Variants in ENPP2 observed in about 807,000 individuals in gnomAD.
ENPP2 encodes the protein autotaxin.
Under a neutral mutation model 120.2 loss-of-function variants are expected in ENPP2, and 51 were observed. The observed-to-expected ratio is 0.42, with a 90% CI of 0.34 to 0.54. The LOEUF (loss-of-function observed/expected upper bound fraction) is 0.54. ENPP2 is among the 20% of genes least tolerant of loss of function. ENPP2 has a pLI of 0.04. For synonymous variants in ENPP2, 365 were observed against 366.4 expected, an observed-to-expected ratio of 1.00 and a Z score of 0.04; for missense variants, 920 against 1,066.5, an observed-to-expected ratio of 0.86 and a Z score of 1.91.
chr8:119,647,775 C>T (rs1000749846), intron 1 of ENPP2, among the ~76,000 whole-genome samples: 1 of 152,000 alleles, frequency 6.6e-6, no homozygotes, highest in Non-Finnish European at 1.5e-5. Context: ...GAGGCAGAGG[C>T]GGGTGGATTA....
intron 20 of ENPP2, among the ~76,000 whole-genome samples, chr8:119,569,738 T>TTGTG (rs754303358): frequency 0.012 from 1,071 of 90,822 alleles, 5 homozygotes; most frequent in Non-Finnish European, 0.019. Flanking sequence ...AATAGACTAT[T>TTGTG]TATCTGTGTG....
At chr8:119,561,273 G>C (rs1403890640) in intron 24 of ENPP2, among the ~76,000 whole-genome samples, 4 of 152,112 alleles carry the variant, frequency 2.6e-5, no homozygotes, top group African/African-American at 4.8e-5. Flanking sequence ...CTATTCTTGT[G>C]GCTCCTTGCC....
chr8:119,648,979 T>A (rs1308566663), intron 1 of ENPP2, among the ~76,000 whole-genome samples: 1 of 152,144 alleles, frequency 6.6e-6, no homozygotes. Flanking sequence ...TCCTAATGAA[T>A]CTACCAAAAA....
At chr8:119,630,950 A>C (rs1816621979) in intron 2 of ENPP2, among the ~76,000 whole-genome samples, 1 of 149,334 alleles carries the variant, frequency 6.7e-6, no homozygotes, top group Non-Finnish European at 1.5e-5. Context: ...GCTGGAGTGT[A>C]ATGGTGCGAT....
At chr8:119,627,309 T>C (rs993171422) in intron 2 of ENPP2, among the ~76,000 whole-genome samples, 2 of 152,092 alleles carry the variant, frequency 1.3e-5, no homozygotes, top group African/African-American at 4.8e-5. Context: ...AACTCCTCCA[T>C]CAATATTTTC....
In ENPP2 at chr8:119,601,799, G is replaced by A. The variant is rs535361557; in HGVS notation, c.834-337C>T. ...TGTCATTTATTCTGTCGAGCCTTTA[G>A]CTGTGGCCATAAAGGGATCAGTACT... On this transcript the variant is annotated intron_variant, in intron 9 of 24. Coordinates refer to ENST00000075322, the MANE Select transcript of ENPP2 (RefSeq NM_001040092.3). Among the ~76,000 whole-genome samples, 8 of 152,226 alleles carry A rather than the reference G, an allele frequency of 5.3e-5. No homozygotes were observed. The East Asian group carries it at 9.7e-4, about 18-fold the overall frequency.
At chr8:119,601,838 C>T (rs535531143) in intron 9 of ENPP2, among the ~76,000 whole-genome samples, 11 of 152,210 alleles carry the variant, frequency 7.2e-5, no homozygotes, top group South Asian at 2.1e-4. Flanking sequence ...ATCCCCAATC[C>T]GCCTCTTGCT....
intron 2 of ENPP2, among the ~76,000 whole-genome samples, chr8:119,627,765 G>A (rs554628612): frequency 1.1e-3 from 173 of 151,936 alleles, no homozygotes; most frequent in South Asian, 2.7e-3. Flanking sequence ...GGGAGGCTGA[G>A]GCAGGAGAAT....
intron 19 of ENPP2, among the ~76,000 whole-genome samples, chr8:119,574,838 A>G (rs1812221810): frequency 6.6e-6 from 1 of 152,058 alleles, no homozygotes; most frequent in African/African-American, 2.4e-5. Context: ...ACAAGTGCCT[A>G]TTATCATTTG....
chr8:119,619,997 A>C (rs1815771995), intron 4 of ENPP2, among the ~76,000 whole-genome samples: 1 of 152,228 alleles, frequency 6.6e-6, no homozygotes, highest in Admixed American at 6.5e-5. Context: ...TATCCTGAAC[A>C]GAAGTAAAAT....
At chr8:119,610,789 G>C (rs1381681206) in intron 8 of ENPP2, among the ~76,000 whole-genome samples, 2 of 151,740 alleles carry the variant, frequency 1.3e-5, no homozygotes, top group Non-Finnish European at 2.9e-5. Context: ...TGTAATCCCA[G>C]CTACTCAGGA....
intron 1 of ENPP2, among the ~76,000 whole-genome samples, chr8:119,656,550 A>C (rs1441904974): frequency 6.6e-6 from 1 of 152,194 alleles, no homozygotes; most frequent in African/African-American, 2.4e-5. Flanking sequence ...AGCATACTTT[A>C]TTGAGAATCT....
At position 119,633,946 on chromosome 8, in the gene ENPP2, G is replaced by T. The variant is rs377693265; in HGVS notation, c.136+4479C>A. ...GCCTGTAATCCTAGCAATTTGGGAG[G>T]CTGAGGCGAGTGGATCACCTGAGGT... On this transcript the variant is annotated intron_variant, in intron 2 of 24. Coordinates refer to ENST00000075322, the MANE Select transcript of ENPP2 (RefSeq NM_001040092.3). Among the ~76,000 whole-genome samples, 10 of 152,002 alleles carry T rather than the reference G, an allele frequency of 6.6e-5. 1 individual carries two copies. Among genetic ancestry groups the T allele is most frequent in the African/African-American group, 2.4e-4 (10 of 41,350 alleles).
At chr8:119,657,604 T>C (rs548553865) in intron 1 of ENPP2, among the ~76,000 whole-genome samples, 3 of 151,892 alleles carry the variant, frequency 2.0e-5, no homozygotes, top group Admixed American at 1.3e-4. Context: ...TAAAGGACTT[T>C]CAAAGTTCAC....
chr8:119,657,780 G>C (rs916746816), intron 1 of ENPP2, among the ~76,000 whole-genome samples: 1 of 152,206 alleles, frequency 6.6e-6, no homozygotes, highest in Non-Finnish European at 1.5e-5. Flanking sequence ...ATTTCAATGA[G>C]AGCTGTCATC....
chr8:119,661,771 G>A (rs1211855710), intron 1 of ENPP2, among the ~76,000 whole-genome samples: 1 of 152,110 alleles, frequency 6.6e-6, no homozygotes, highest in Non-Finnish European at 1.5e-5. Flanking sequence ...ATCAAGTTAA[G>A]TGTCCATCAA....
intron 2 of ENPP2, among the ~76,000 whole-genome samples, chr8:119,629,123 A>G (rs886407306): frequency 3.3e-5 from 5 of 152,138 alleles, no homozygotes; most frequent in African/African-American, 7.2e-5. Flanking sequence ...GTATGTATAC[A>G]TATGCACAAA....
chr8:119,570,034 C>T (rs903199634), intron 20 of ENPP2, among the ~76,000 whole-genome samples: 1 of 151,892 alleles, frequency 6.6e-6, no homozygotes, highest in Non-Finnish European at 1.5e-5. Flanking sequence ...TTTGGGAGGC[C>T]GAGGCAGGCA....
chr8:119,600,006 CAA>C (rs58150510), intron 11 of ENPP2, among the ~76,000 whole-genome samples: 31 of 68,992 alleles, frequency 4.5e-4, no homozygotes, highest in African/African-American at 6.5e-4. Context: ...GACTCTGTCT[CAA>C]AAAAAAAAAA....
Sources: gnomAD v4.1 joint callset for allele counts (sites outside exome capture counted in the v4.1 genomes callset) on GRCh38, gnomAD v4.1.1 for gene constraint, MANE v1.5 for transcripts, NCBI Gene and HGNC (gene_info 2026-07-23, HGNC 2026-07-21) for gene names.